ATOSA: variants seen among roughly 807,000 people sequenced by gnomAD.
ATOSA encodes the protein atos homolog A.
chr15:52,639,097 AAAGTCCACCCGAATAGGCTTAAATT>A, the ATOSA span, among the ~76,000 whole-genome samples: 1 of 152,006 alleles, frequency 6.6e-6, no homozygotes, highest in South Asian at 2.1e-4. Flanking sequence ...AAAAAAAAAA[AAAGTCCACCCGAATAGGCTTAAATT>A]AAAAGTTTAC....
the ATOSA span, among the ~76,000 whole-genome samples, chr15:52,661,767 T>G: frequency 6.6e-6 from 1 of 152,082 alleles, no homozygotes; most frequent in African/African-American, 2.4e-5. Context: ...GAAGTGTGCC[T>G]GCAGAACCAG....
the ATOSA span, among the ~76,000 whole-genome samples, chr15:52,646,277 G>T: frequency 6.6e-6 from 1 of 152,210 alleles, no homozygotes; most frequent in Non-Finnish European, 1.5e-5. Flanking sequence ...GGCACACACA[G>T]ATCAGTTCTG....
the ATOSA span, among the ~76,000 whole-genome samples, chr15:52,706,829 A>G: frequency 2.0e-5 from 3 of 152,200 alleles, no homozygotes; most frequent in Admixed American, 1.3e-4. Context: ...TTCCACTGAT[A>G]TAAGATATTC....
chr15:52,670,087 T>C, the ATOSA span, among the ~76,000 whole-genome samples: 1 of 152,218 alleles, frequency 6.6e-6, no homozygotes, highest in Admixed American at 6.5e-5. Flanking sequence ...TCCATTGCAT[T>C]TGCATTAAAG....
At chr15:52,664,649 A>G in the ATOSA span, among the ~76,000 whole-genome samples, 1 of 152,206 alleles carries the variant, frequency 6.6e-6, no homozygotes, top group Non-Finnish European at 1.5e-5. Context: ...CAAATCAAGA[A>G]TACCATCTAG....
the ATOSA span, chr15:52,585,129 G>C: frequency 8.1e-6 from 4 of 494,990 alleles, no homozygotes; most frequent in Non-Finnish European, 1.4e-5. Context: ...TTTTTAAAAG[G>C]TTCAATTTTT....
At chr15:52,609,733 C>T in the ATOSA span, 29 of 1,613,542 alleles carry the variant, frequency 1.8e-5, no homozygotes, top group Admixed American at 1.8e-4. Flanking sequence ...ATTAAATGGA[C>T]GTCCAGAAAC....
At chr15:52,675,701 G>C in the ATOSA span, among the ~76,000 whole-genome samples, 1 of 152,158 alleles carries the variant, frequency 6.6e-6, no homozygotes, top group Non-Finnish European at 1.5e-5. Flanking sequence ...GAGCTCAGGA[G>C]ATCGAGACTA....
chr15:52,615,594 A>C, the ATOSA span, among the ~76,000 whole-genome samples: 3 of 152,218 alleles, frequency 2.0e-5, no homozygotes, highest in Non-Finnish European at 4.4e-5. Flanking sequence ...ATGTAGAGAA[A>C]AGTATGCAAA....
the ATOSA span, among the ~76,000 whole-genome samples, chr15:52,642,044 C>A: frequency 6.6e-6 from 1 of 152,304 alleles, no homozygotes; most frequent in South Asian, 2.1e-4. Flanking sequence ...GTCAACTAAG[C>A]ACAACTATTA....
the ATOSA span, chr15:52,613,977 TAATAAA>T: frequency 8.2e-6 from 7 of 858,354 alleles, no homozygotes; most frequent in East Asian, 1.6e-4. Flanking sequence ...AGAGTGAAAA[TAATAAA>T]AATGAGAATC....
chr15:52,664,392 C>T, the ATOSA span, among the ~76,000 whole-genome samples: 27 of 152,300 alleles, frequency 1.8e-4, no homozygotes, highest in African/African-American at 6.5e-4. Flanking sequence ...AAAGCTGGTG[C>T]CCACTTTGTG....
chr15:52,625,622 T>C, the ATOSA span, among the ~76,000 whole-genome samples: 1 of 152,014 alleles, frequency 6.6e-6, no homozygotes, highest in Non-Finnish European at 1.5e-5. Flanking sequence ...CAACCAAGTA[T>C]CTCTGCTCTG....
At chr15:52,643,201 T>A in the ATOSA span, among the ~76,000 whole-genome samples, 1 of 152,168 alleles carries the variant, frequency 6.6e-6, no homozygotes, top group Non-Finnish European at 1.5e-5. Context: ...TAGGAGAATA[T>A]TCCAATTCTC....
chr15:52,659,335 ACTATTT>A, the ATOSA span, among the ~76,000 whole-genome samples: 1 of 152,228 alleles, frequency 6.6e-6, no homozygotes, highest in Non-Finnish European at 1.5e-5. Flanking sequence ...CTAAGGTTTT[ACTATTT>A]CTAACAGTTA....
chr15:52,647,333 T>C, the ATOSA span, among the ~76,000 whole-genome samples: 3 of 152,174 alleles, frequency 2.0e-5, no homozygotes, highest in Non-Finnish European at 4.4e-5. Flanking sequence ...AAATAACATA[T>C]GTCAGCTCAA....
At chr15:52,698,963 T>C in the ATOSA span, among the ~76,000 whole-genome samples, 1 of 152,196 alleles carries the variant, frequency 6.6e-6, no homozygotes, top group Admixed American at 6.5e-5. Context: ...GGAAAATGGT[T>C]TTAATATAGT....
chr15:52,695,545 C>T, the ATOSA span, among the ~76,000 whole-genome samples: 1 of 152,220 alleles, frequency 6.6e-6, no homozygotes, highest in Non-Finnish European at 1.5e-5. Flanking sequence ...ATCTACTTTG[C>T]ACCAGTCACT....
the ATOSA span, among the ~76,000 whole-genome samples, chr15:52,676,922 C>G: frequency 3.3e-5 from 5 of 152,156 alleles, no homozygotes; most frequent in Admixed American, 3.3e-4. Flanking sequence ...CACAAGGAAC[C>G]TGCTCAGGAG....
Sources: allele counts gnomAD v4.1 joint callset (sites outside exome capture counted in the v4.1 genomes callset), GRCh38; gene constraint gnomAD v4.1.1; transcripts MANE v1.5; gene names NCBI Gene and HGNC (gene_info 2026-07-23, HGNC 2026-07-21).